Variants in MAP1B observed in about 807,000 individuals in gnomAD.
MAP1B encodes microtubule associated protein 1B.
MAP1B carries 12 observed loss-of-function variants against 176.1 expected under a neutral mutation model. The ratio of observed to expected loss-of-function variants is 0.07; its 90% CI spans 0.04 to 0.11. MAP1B has a LOEUF of 0.11. Ranked by LOEUF, MAP1B falls within the 10% of genes least tolerant of loss-of-function variation. MAP1B has a pLI of 1.00. For synonymous variants in MAP1B, 1,044 were observed against 1,135.0 expected (o/e 0.92, Z 1.61); for missense variants, 2,523 against 2,990.5 (o/e 0.84, Z 3.65).
At chr5:72,169,077 A>G (rs1262746736) in intron 2 of MAP1B, among the ~76,000 whole-genome samples, 1 of 152,248 alleles carries the variant, frequency 6.6e-6, no homozygotes, top group Non-Finnish European at 1.5e-5. Flanking sequence ...GTTTGGGGGC[A>G]TACTGTGGCA....
At chr5:72,191,126 G>A (rs145891702) in intron 4 of MAP1B, among the ~76,000 whole-genome samples, 259 of 152,328 alleles carry the variant, frequency 1.7e-3, no homozygotes, top group African/African-American at 5.9e-3. Flanking sequence ...AACATGTGTT[G>A]AACTGGCCAA....
intron 2 of MAP1B, among the ~76,000 whole-genome samples, chr5:72,117,790 C>T (rs920304729): frequency 6.6e-6 from 1 of 152,200 alleles, no homozygotes; most frequent in Non-Finnish European, 1.5e-5. Flanking sequence ...CCCTGTCAAG[C>T]CTATGAGTAC....
Position 72,205,555 on chromosome 5 carries a change from GA to G in MAP1B, c.*317del. The stretch of plus-strand genomic sequence containing the variant: ...CTGCTAGGTAGAGGCATTTGTCTTA[GA>G]GAGAGAGAGAGCGCGGGAGAGAGTG... On this transcript the variant is annotated 3_prime_UTR_variant, in exon 7 of 7. Coordinates refer to ENST00000296755, the MANE Select transcript of MAP1B (RefSeq NM_005909.5). 4.5e-6 allele frequency: 1 copy of G among 223,902 alleles called. No homozygotes were observed. Among genetic ancestry groups the G allele is most frequent in the Admixed American group, 5.4e-5 (1 of 18,606 alleles). The allele number at this position is 223,902 out of a possible 1,614,324, so 13.9% of individuals were successfully genotyped here. A position where few individuals can be genotyped will look rare whatever the true frequency, so the allele number is the denominator to read the frequency against.
chr5:72,167,294 A>G (rs905790855), intron 2 of MAP1B, among the ~76,000 whole-genome samples: 1 of 152,198 alleles, frequency 6.6e-6, no homozygotes, highest in East Asian at 1.9e-4. Context: ...GATTTTTTTT[A>G]AAACAAGAAG....
rs1358863350 is a variant in MAP1B at position 72,207,343 on chromosome 5, T to C, written c.*2104T>C. On this transcript the variant is annotated 3_prime_UTR_variant, in exon 7 of 7. Transcript: ENST00000296755. The stretch of plus-strand genomic sequence containing the variant: ...GTTATTTATTTCAAAATTAACATTT[T>C]AGTTGATTTTTGTCTGATAAGTCTA... 3.3e-5 allele frequency: 5 copies of C among 152,234 alleles called. No homozygotes were observed. The highest frequency in any genetic ancestry group is 3.3e-4 in the Admixed American group (5 of 15,286). The allele number at this position is 152,234 out of a possible 1,614,324, so 9.4% of individuals were successfully genotyped here. A position where few individuals can be genotyped will look rare whatever the true frequency, so the allele number is the denominator to read the frequency against.
intron 1 of MAP1B, among the ~76,000 whole-genome samples, chr5:72,112,447 T>C (rs1745360109): frequency 6.6e-6 from 1 of 152,182 alleles, no homozygotes; most frequent in Admixed American, 6.5e-5. Flanking sequence ...CAAGAGTACC[T>C]GACTTCTCCT....
At chr5:72,140,467 C>G (rs940924463) in intron 2 of MAP1B, among the ~76,000 whole-genome samples, 16 of 152,292 alleles carry the variant, frequency 1.1e-4, no homozygotes, top group Admixed American at 7.8e-4. Context: ...TTGCAGCCTT[C>G]ATTTGAAGAA....
chr5:72,142,533 C>A (rs1745965080), intron 2 of MAP1B, among the ~76,000 whole-genome samples: 1 of 152,020 alleles, frequency 6.6e-6, no homozygotes, highest in Non-Finnish European at 1.5e-5. Context: ...TATGTGGAAA[C>A]AAATGTAAAG....
intron 2 of MAP1B, among the ~76,000 whole-genome samples, chr5:72,132,559 C>T (rs552047995): frequency 6.6e-6 from 1 of 152,288 alleles, no homozygotes; most frequent in Admixed American, 6.5e-5. Flanking sequence ...ATTTGTTCTG[C>T]TCTTGAGTGC....
intron 2 of MAP1B, among the ~76,000 whole-genome samples, chr5:72,121,842 C>G (rs1266620086): frequency 6.6e-6 from 1 of 152,194 alleles, no homozygotes; most frequent in Non-Finnish European, 1.5e-5. Flanking sequence ...CAGCCCTGCT[C>G]CAACCTTTAA....
Position 72,196,085 on chromosome 5 carries a change from G to C in MAP1B, c.2730G>C (p.Glu910Asp), listed in dbSNP as rs1229232170. The C allele has an allele frequency of 4.3e-6, 7 of 1,614,080 alleles. No individual in the cohort carries two copies. Among genetic ancestry groups the C allele is most frequent in the African/African-American group, 4.0e-5 (3 of 74,928 alleles). The change falls in exon 5 of 7, where the codon GAG becomes GAC. Residue 910 changes from glutamate (E) to aspartate (D), a missense_variant. By Grantham distance (45) the Glu-to-Asp change is conservative (BLOSUM62 2). Around this residue, in one of 4 missense-constraint regions of MAP1B, gnomAD observed 1,925 missense variants for 2,126.0 expected, o/e 0.91. Transcript: ENST00000296755. This position sits in a 1 kb window ranked among gnomAD's most constrained non-coding sequence, Gnocchi z 5.3. ...EGEGECEQTP[E>D]ELEPVEKQGV... ...AGGGCGAATGTGAACAGACACCTGA[G>C]GAGCTGGAGCCCGTCGAGAAGCAGG...
Position 72,205,182 on chromosome 5 carries a change from C to T in MAP1B, c.7350C>T (p.Ser2450=). 6.2e-7 allele frequency: 1 copy of T among 1,614,014 alleles called. No homozygotes were observed. The highest frequency in any genetic ancestry group is 8.5e-7 in the Non-Finnish European group (1 of 1,179,944). The change falls in exon 7 of 7, where the codon AGC becomes AGT. Residue 2450 remains serine, a synonymous_variant. Coordinates refer to ENST00000296755, the MANE Select transcript of MAP1B (RefSeq NM_005909.5). The stretch of plus-strand genomic sequence containing the variant: ...ATCTCAACATCATGGTTTTAGCAAG[C>T]AGCAGCACAGTGGTTATGCAAGATG... The part of the protein sequence containing the change: ...QQDLNIMVLA[S]SSTVVMQDES...
At chr5:72,123,729 C>T (rs1195132605) in intron 2 of MAP1B, among the ~76,000 whole-genome samples, 1 of 152,120 alleles carries the variant, frequency 6.6e-6, no homozygotes, top group Non-Finnish European at 1.5e-5. Flanking sequence ...CGTGATCTGC[C>T]CGCCTCGGCC....
Position 72,194,450 on chromosome 5 carries a change from C to A in MAP1B, c.1095C>A (p.Leu365=), listed in dbSNP as rs770770548. Residue 365 remains leucine, a synonymous_variant, in exon 5 of 7, where the codon CTC becomes CTA. Transcript: ENST00000296755. This position sits in a 1 kb window ranked among gnomAD's most constrained non-coding sequence, Gnocchi z 7.2. ...GVVFLNVPEN[L]KNPEPNIKMK... is the part of the protein sequence containing the mutation. ...TATTTCTCAATGTACCTGAAAATCTCAAAAATCCAGAGCCAAACATCAAGA... is the reference window on the plus strand; with the variant it reads ...TATTTCTCAATGTACCTGAAAATCTAAAAAATCCAGAGCCAAACATCAAGA... The A allele has an allele frequency of 1.4e-5, 22 of 1,613,904 alleles. No homozygotes were observed. The highest frequency in any genetic ancestry group is 1.8e-5 in the Non-Finnish European group (21 of 1,180,008).
intron 2 of MAP1B, among the ~76,000 whole-genome samples, chr5:72,124,109 C>A (rs937470682): frequency 3.3e-5 from 5 of 152,136 alleles, no homozygotes; most frequent in African/African-American, 1.2e-4. Flanking sequence ...GTACCAGCAC[C>A]CCACTCCCAG....
At chr5:72,128,930 G>A (rs1745675787) in intron 2 of MAP1B, among the ~76,000 whole-genome samples, 2 of 152,216 alleles carry the variant, frequency 1.3e-5, no homozygotes, top group Admixed American at 1.3e-4. Flanking sequence ...TGGGATTACA[G>A]TGTGAGCCAC....
chr5:72,169,075 G>A (rs563388341), intron 2 of MAP1B, among the ~76,000 whole-genome samples: 1 of 152,284 alleles, frequency 6.6e-6, no homozygotes, highest in South Asian at 2.1e-4. Flanking sequence ...TGGTTTGGGG[G>A]CATACTGTGG....
intron 2 of MAP1B, among the ~76,000 whole-genome samples, chr5:72,167,875 GA>G (rs1217491261): frequency 1.4e-4 from 21 of 152,302 alleles, no homozygotes; most frequent in Non-Finnish European, 2.4e-4. Flanking sequence ...GTGACGGAAG[GA>G]AATGCAAGTA....
intron 2 of MAP1B, among the ~76,000 whole-genome samples, chr5:72,136,991 G>T (rs1466657559): frequency 6.6e-6 from 1 of 152,018 alleles, no homozygotes; most frequent in African/African-American, 2.4e-5. Context: ...CCACCCTATG[G>T]GCCAAGTGCC....
Sources: allele counts gnomAD v4.1 joint callset (sites outside exome capture counted in the v4.1 genomes callset), GRCh38; gene constraint gnomAD v4.1.1; regional missense constraint gnomAD v4.1.1; non-coding constraint Gnocchi (gnomAD v3.1); transcripts MANE v1.5; gene names NCBI Gene and HGNC (gene_info 2026-07-23, HGNC 2026-07-21).